LNX1: variants seen among roughly 807,000 people sequenced by gnomAD.
LNX1 encodes the protein E3 ubiquitin-protein ligase LNX.
A neutral mutation model predicts 68.4 loss-of-function variants in LNX1; 54 were observed. The ratio of observed to expected loss-of-function variants is 0.79; its 90% confidence interval spans 0.63 to 0.99. The LOEUF (loss-of-function observed/expected upper bound fraction) is 0.99. Ranked by LOEUF, LNX1 falls within the 50% of genes least tolerant of loss-of-function variation. The probability of loss-of-function intolerance (pLI) is 0.00; values close to 1 mark genes in which losing one functional copy is unlikely to be tolerated. For synonymous variants in LNX1, 336 were observed against 350.0 expected, an observed-to-expected ratio of 0.96 and a Z score of 0.45; for missense variants, 906 against 926.4, an observed-to-expected ratio of 0.98 and a Z score of 0.29.
chr4:53,502,540 G>A (rs893174256), intron 4 of LNX1, among the ~76,000 whole-genome samples: 2 of 152,184 alleles, frequency 1.3e-5, no homozygotes, highest in African/African-American at 4.8e-5. Context: ...TTGCCTTGAT[G>A]TTGATGGCTG....
At chr4:53,548,005 G>A (rs1729226666) in intron 2 of LNX1, among the ~76,000 whole-genome samples, 1 of 151,964 alleles carries the variant, frequency 6.6e-6, no homozygotes, top group Non-Finnish European at 1.5e-5. Context: ...TCATAAACCT[G>A]GATCCTCCAG....
chr4:53,524,600 G>A (rs1194704336), intron 2 of LNX1, among the ~76,000 whole-genome samples: 1 of 152,168 alleles, frequency 6.6e-6, no homozygotes, highest in Non-Finnish European at 1.5e-5. Flanking sequence ...GGTCTGTAAT[G>A]CTTTAAGCCT....
intron 1 of LNX1, among the ~76,000 whole-genome samples, chr4:53,644,923 C>T (rs556158847): frequency 2.2e-4 from 34 of 152,254 alleles, no homozygotes; most frequent in South Asian, 6.2e-4. Context: ...AGTCAAAATG[C>T]GCTTCTCAGT....
At chr4:53,590,231 G>A (rs1732426997) in intron 1 of LNX1, among the ~76,000 whole-genome samples, 1 of 152,188 alleles carries the variant, frequency 6.6e-6, no homozygotes, top group Non-Finnish European at 1.5e-5. Context: ...AGGCAAAAAT[G>A]ATCTCAGCTT....
chr4:53,645,879 T>C (rs554465444), intron 1 of LNX1, among the ~76,000 whole-genome samples: 1 of 152,342 alleles, frequency 6.6e-6, no homozygotes, highest in Non-Finnish European at 1.5e-5. Context: ...GGTGAGGATA[T>C]TGATTACTAT....
chr4:53,641,648 TC>T (rs1388513122), intron 1 of LNX1, among the ~76,000 whole-genome samples: 1 of 152,280 alleles, frequency 6.6e-6, no homozygotes, highest in South Asian at 2.1e-4. Context: ...AGGAACAAAT[TC>T]ATTTTCTTTC....
intron 2 of LNX1, among the ~76,000 whole-genome samples, chr4:53,525,346 G>A (rs1355486604): frequency 6.6e-6 from 1 of 152,182 alleles, no homozygotes; most frequent in African/African-American, 2.4e-5. Context: ...GCTGAGTGTG[G>A]TGGTGCATGC....
intron 2 of LNX1, among the ~76,000 whole-genome samples, chr4:53,544,057 A>G (rs1040084): frequency 0.78 from 117,932 of 152,160 alleles, 45,879 homozygotes; most frequent in Admixed American, 0.82. Flanking sequence ...CTTCACCTTC[A>G]CTGTCCTATT....
chr4:53,569,200 G>T (rs993875924), intron 2 of LNX1, among the ~76,000 whole-genome samples: 2 of 152,056 alleles, frequency 1.3e-5, no homozygotes, highest in Admixed American at 1.3e-4. Flanking sequence ...AGCCCCCATT[G>T]CCAAGTCAAT....
chr4:53,570,510 G>C (rs1235247416), intron 2 of LNX1, among the ~76,000 whole-genome samples: 4 of 111,016 alleles, frequency 3.6e-5, no homozygotes, highest in Non-Finnish European at 5.2e-5. Flanking sequence ...TCTGGGGACT[G>C]TTGTGGGGTG....
At chr4:53,608,672 G>T (rs1451643796) in intron 2 of LNX1, among the ~76,000 whole-genome samples, 1 of 152,074 alleles carries the variant, frequency 6.6e-6, no homozygotes. Context: ...TATGTTAATT[G>T]CAGCACTGTT....
chr4:53,523,061 C>T (rs1292333136), intron 2 of LNX1: 1 of 152,286 alleles, frequency 6.6e-6, no homozygotes, highest in East Asian at 1.9e-4. Context: ...TGAGATACCT[C>T]AGATCAATCA....
At chr4:53,587,556 G>A (rs976917851) in intron 1 of LNX1, among the ~76,000 whole-genome samples, 1 of 152,156 alleles carries the variant, frequency 6.6e-6, no homozygotes, top group African/African-American at 2.4e-5. Context: ...CTGAGGCAAT[G>A]AGGAGGACAC....
intron 4 of LNX1, among the ~76,000 whole-genome samples, chr4:53,501,307 G>GT (rs1412817769): frequency 4.2e-5 from 5 of 119,412 alleles, no homozygotes; most frequent in Admixed American, 8.4e-5. Context: ...TTTGGGGGTG[G>GT]GGGGACAGGA....
At chr4:53,622,380 C>G (rs1008799025), upstream of LNX1, among the ~76,000 whole-genome samples, 1 of 151,950 alleles carries the variant, frequency 6.6e-6, no homozygotes, top group Non-Finnish European at 1.5e-5. Flanking sequence ...TTTTAATGTC[C>G]CGGTGTCGCA....
At chr4:53,600,001 A>T (rs1732925477) in intron 2 of LNX1, among the ~76,000 whole-genome samples, 1 of 152,194 alleles carries the variant, frequency 6.6e-6, no homozygotes, top group Admixed American at 6.5e-5. Context: ...TGAATTTAAA[A>T]TTCCTTTAAG....
intron 2 of LNX1, among the ~76,000 whole-genome samples, chr4:53,523,948 A>T (rs905147907): frequency 6.6e-6 from 1 of 152,210 alleles, no homozygotes; most frequent in Non-Finnish European, 1.5e-5. Context: ...CATTCAGAAG[A>T]CATCTTTCTT....
At chr4:53,601,966 C>T (rs1343173351) in intron 2 of LNX1, among the ~76,000 whole-genome samples, 3 of 152,198 alleles carry the variant, frequency 2.0e-5, no homozygotes, top group Non-Finnish European at 2.9e-5. Context: ...CCTCCTCACC[C>T]CTGCTCACGT....
intron 4 of LNX1, among the ~76,000 whole-genome samples, chr4:53,503,092 C>T (rs1725623497): frequency 6.6e-6 from 1 of 152,204 alleles, no homozygotes; most frequent in Non-Finnish European, 1.5e-5. Flanking sequence ...ACTTCTAATT[C>T]TAGTTCTCTT....
Sources: allele counts gnomAD v4.1 joint callset (sites outside exome capture counted in the v4.1 genomes callset), GRCh38; gene constraint gnomAD v4.1.1; transcripts MANE v1.5; gene names NCBI Gene and HGNC (gene_info 2026-07-23, HGNC 2026-07-21).